The following CMTM8 variants were observed in gnomAD, a reference collection of about 807,000 sequenced individuals.
CMTM8 encodes CKLF like MARVEL transmembrane domain containing 8, also known as CKLF-like MARVEL transmembrane domain-containing protein 8.
CMTM8 carries 12 observed loss-of-function variants against 18.6 expected under a neutral mutation model. The ratio of observed to expected loss-of-function variants is 0.65; its 90% CI spans 0.41 to 1.05. The LOEUF is 1.05. CMTM8 is among the 50% of genes least tolerant of loss of function. The probability of loss-of-function intolerance (pLI) is 0.00; values close to 1 mark genes in which losing one functional copy is unlikely to be tolerated. For synonymous variants in CMTM8, 87 were observed against 90.6 expected, an observed-to-expected ratio of 0.96 and a Z score of 0.23; for missense variants, 217 against 227.2, an observed-to-expected ratio of 0.95 and a Z score of 0.29.
intron 1 of CMTM8, among the ~76,000 whole-genome samples, chr3:32,338,887 A>C (rs1696439419): frequency 6.6e-6 from 1 of 152,160 alleles, no homozygotes; most frequent in African/African-American, 2.4e-5. Flanking sequence ...CAGTCACTTA[A>C]AGTTTAACTG....
At chr3:32,352,860 T>A (rs1559387613) in intron 1 of CMTM8, among the ~76,000 whole-genome samples, 1 of 125,558 alleles carries the variant, frequency 8.0e-6, no homozygotes, top group African/African-American at 2.9e-5. Context: ...CAGTGAAAGT[T>A]AAAACATAGG....
intron 2 of CMTM8, among the ~76,000 whole-genome samples, chr3:32,364,129 T>G (rs190957027): frequency 4.6e-5 from 7 of 152,246 alleles, no homozygotes; most frequent in African/African-American, 1.7e-4. Context: ...CCCAGCACTT[T>G]AGGAGTTCAA....
intron 1 of CMTM8, among the ~76,000 whole-genome samples, chr3:32,304,500 G>C (rs1379257773): frequency 6.6e-6 from 1 of 152,184 alleles, no homozygotes; most frequent in Non-Finnish European, 1.5e-5. Flanking sequence ...TACAAGAAAT[G>C]AATGATGTGA....
intron 1 of CMTM8, among the ~76,000 whole-genome samples, chr3:32,325,962 A>T (rs1696142912): frequency 6.6e-6 from 1 of 152,124 alleles, no homozygotes; most frequent in African/African-American, 2.4e-5. Context: ...TTCAACCAGG[A>T]TGGGGGCATT....
intron 1 of CMTM8, among the ~76,000 whole-genome samples, chr3:32,253,376 C>T (rs1403227702): frequency 2.2e-5 from 3 of 136,518 alleles, no homozygotes; most frequent in Non-Finnish European, 4.6e-5. Flanking sequence ...CAAAGTCTTA[C>T]TCTGTCACCC....
chr3:32,271,354 G>A lies in CMTM8; in HGVS notation c.147+32235G>A, dbSNP rs113715439. Among the ~76,000 whole-genome samples, 106 of 152,238 alleles carry A rather than the reference G, an allele frequency of 7.0e-4. 1 individual carries two copies. The Middle Eastern group carries it at 0.014, about 20-fold the overall frequency. ...TGGTCAGGCTGGTCTCATCGACCTC[G>A]GGTGACCCGCCTACCTAGGCCTCCC... is the stretch of plus-strand genomic sequence containing the variant. On this transcript the variant is annotated intron_variant, in intron 1 of 3. Transcript: ENST00000307526.
In CMTM8 at chr3:32,367,972, G is replaced by T. The variant is rs1370348417; in HGVS notation, c.422G>T (p.Ser141Ile). The T allele has an allele frequency of 1.9e-6, 3 of 1,613,254 alleles. No homozygotes were observed. The highest frequency in any genetic ancestry group is 2.5e-6 in the Non-Finnish European group (3 of 1,179,276). Residue 141 changes from serine (S) to isoleucine (I), a missense_variant, in exon 3 of 4, where the codon AGC becomes ATC. Ser to Ile is a moderately radical substitution (Grantham distance 142). Transcript: ENST00000307526. ...GAGAGGGACAGTCACAACTTCAACA[G>T]CTGGGCGGCCTCATCGGTGAGTAGC... The part of the protein sequence containing the change: ...SPERDSHNFN[S>I]WAASSFFAFL...
rs770233960 is a variant in CMTM8 at position 32,358,475 on chromosome 3, A to G, written c.321+929A>G. The stretch of plus-strand genomic sequence containing the variant: ...ATTTTTTTGTCTGTTTTCAACCAAT[A>G]TGTGAGAAAAAATATTTAGTTCCAA... On this transcript the variant is annotated intron_variant, in intron 2 of 3. Transcript: ENST00000307526. This position sits in a 1 kb window ranked among gnomAD's most constrained non-coding sequence, Gnocchi z 4.1. Among the ~76,000 whole-genome samples the G allele has an allele frequency of 2.0e-5, 3 of 152,240 alleles. No individual in the cohort carries two copies. Among genetic ancestry groups the G allele is most frequent in the Non-Finnish European group, 4.4e-5 (3 of 68,040 alleles).
At chr3:32,333,327 TTG>T (rs1387491353) in intron 1 of CMTM8, among the ~76,000 whole-genome samples, 1 of 152,210 alleles carries the variant, frequency 6.6e-6, no homozygotes, top group East Asian at 1.9e-4. Context: ...TGGGTTGTAA[TTG>T]TGTGATTCCT....
chr3:32,303,527 A>T (rs1695663538), intron 1 of CMTM8, among the ~76,000 whole-genome samples: 4 of 152,224 alleles, frequency 2.6e-5, no homozygotes. Context: ...AATTTGAGGC[A>T]GGAAATACTG....
At position 32,296,139 on chromosome 3, in the gene CMTM8, T is replaced by A. The variant is rs547569962; in HGVS notation, c.147+57020T>A. On this transcript the variant is annotated intron_variant, in intron 1 of 3. Coordinates refer to ENST00000307526, the MANE Select transcript of CMTM8 (RefSeq NM_178868.5). The stretch of plus-strand genomic sequence containing the variant: ...ACTTCTTTGCTTCAGCCTTTTATTT[T>A]TTATTTTTTTTTAAATAAAGATGAG... Among the ~76,000 whole-genome samples the A allele has an allele frequency of 4.8e-3, 730 of 152,180 alleles. 5 individuals carry two copies. Among genetic ancestry groups the A allele is most frequent in the Admixed American group, 0.013 (204 of 15,278 alleles).
chr3:32,312,125 C>G (rs561305591), intron 1 of CMTM8, among the ~76,000 whole-genome samples: 2 of 152,098 alleles, frequency 1.3e-5, no homozygotes, highest in African/African-American at 4.8e-5. Flanking sequence ...GGCATTGTTA[C>G]GTTAATTTAT....
intron 1 of CMTM8, among the ~76,000 whole-genome samples, chr3:32,299,384 C>G (rs1440607758): frequency 5.9e-5 from 9 of 152,282 alleles, no homozygotes; most frequent in Admixed American, 3.3e-4. Context: ...CTATTTAGCT[C>G]AACTGTCTCT....
At chr3:32,364,611 G>A (rs1343527629) in intron 2 of CMTM8, among the ~76,000 whole-genome samples, 1 of 152,226 alleles carries the variant, frequency 6.6e-6, no homozygotes, top group Non-Finnish European at 1.5e-5. Context: ...AAGAGAGGCA[G>A]GTGAAGCTCC....
intron 3 of CMTM8, among the ~76,000 whole-genome samples, chr3:32,369,184 G>C (rs1695594203): frequency 2.0e-5 from 3 of 151,886 alleles, no homozygotes; most frequent in African/African-American, 7.3e-5. Flanking sequence ...GGTGGTGGCG[G>C]GCACCTGTAA....
intron 1 of CMTM8, among the ~76,000 whole-genome samples, chr3:32,283,453 G>GC (rs1702634871): frequency 6.6e-6 from 1 of 152,164 alleles, no homozygotes; most frequent in South Asian, 2.1e-4. Flanking sequence ...CATCGCAGGC[G>GC]CATGTAATGT....
At chr3:32,337,207 T>C (rs1457673979) in intron 1 of CMTM8, among the ~76,000 whole-genome samples, 1 of 152,144 alleles carries the variant, frequency 6.6e-6, no homozygotes, top group Non-Finnish European at 1.5e-5. Context: ...AGGACCAAGT[T>C]TCCAACACAT....
Position 32,341,084 on chromosome 3 carries a change from T to C in CMTM8, c.148-16289T>C, listed in dbSNP as rs77745719. Among the ~76,000 whole-genome samples the C allele has an allele frequency of 2.5e-3, 381 of 152,384 alleles. 5 individuals carry two copies. The highest frequency in any genetic ancestry group is 8.9e-3 in the African/African-American group (369 of 41,588). ...GGATTAGTTGCCATCCTGTTTTCCA[T>C]GTACTTGTCCTTCACCAAGATGCCA... On this transcript the variant is annotated intron_variant, in intron 1 of 3. Transcript: ENST00000307526.
intron 1 of CMTM8, among the ~76,000 whole-genome samples, chr3:32,333,759 A>G (rs1696327901): frequency 2.0e-5 from 3 of 152,054 alleles, no homozygotes; most frequent in African/African-American, 7.2e-5. Flanking sequence ...AGGTGGTGAA[A>G]ATACTGTGTG....
Sources: gnomAD v4.1 joint callset for allele counts (sites outside exome capture counted in the v4.1 genomes callset) on GRCh38, gnomAD v4.1.1 for gene constraint, Gnocchi (gnomAD v3.1) non-coding constraint, MANE v1.5 for transcripts, NCBI Gene and HGNC (gene_info 2026-07-23, HGNC 2026-07-21) for gene names.